GPR158: variants seen among roughly 807,000 people sequenced by gnomAD.
The protein encoded by GPR158 is metabotropic glycine receptor.
Under a neutral mutation model 78.2 loss-of-function variants are expected in GPR158, and 30 were observed. The observed-to-expected ratio is 0.38, with a 90% confidence interval of 0.29 to 0.52. The LOEUF is 0.52. Ranked by LOEUF, GPR158 falls within the 20% of genes least tolerant of loss-of-function variation. The pLI is 0.83. For missense variants in GPR158, 1,463 were observed against 1,523.5 expected (o/e 0.96, Z 0.66); for synonymous variants, 581 against 591.1 (o/e 0.98, Z 0.25).
chr10:25,357,190 G>C (rs1855566293), intron 2 of GPR158, among the ~76,000 whole-genome samples: 1 of 152,098 alleles, frequency 6.6e-6, no homozygotes, highest in South Asian at 2.1e-4. Flanking sequence ...GCATTCAACA[G>C]GTGACTTGAG....
intron 2 of GPR158, among the ~76,000 whole-genome samples, chr10:25,380,481 TC>T (rs1330797680): frequency 1.8e-4 from 28 of 152,206 alleles, no homozygotes; most frequent in Non-Finnish European, 2.9e-4. Context: ...CATTCATTTT[TC>T]TTTTTTTAGT....
intron 2 of GPR158, among the ~76,000 whole-genome samples, chr10:25,287,213 C>T (rs994371178): frequency 4.6e-5 from 7 of 151,860 alleles, no homozygotes; most frequent in African/African-American, 1.5e-4. Context: ...TTCCACTGCT[C>T]TTCCCCGAGA....
intron 4 of GPR158, among the ~76,000 whole-genome samples, chr10:25,436,753 C>T (rs2130583620): frequency 6.6e-6 from 1 of 152,172 alleles, no homozygotes; most frequent in East Asian, 1.9e-4. Context: ...AGCACTTGTA[C>T]CAAAACTTCC....
chr10:25,199,930 G>A (rs1852899275), intron 1 of GPR158, among the ~76,000 whole-genome samples: 2 of 152,134 alleles, frequency 1.3e-5, no homozygotes. Flanking sequence ...GGGCACTTAG[G>A]TTGATTCTAT....
At chr10:25,358,151 C>T (rs771868841) in intron 2 of GPR158, among the ~76,000 whole-genome samples, 5 of 152,064 alleles carry the variant, frequency 3.3e-5, no homozygotes, top group African/African-American at 1.2e-4. Context: ...GCTTTATTTA[C>T]CCAATGCCTG....
chr10:25,299,923 T>C (rs912630438), intron 2 of GPR158, among the ~76,000 whole-genome samples: 1 of 151,984 alleles, frequency 6.6e-6, no homozygotes, highest in Non-Finnish European at 1.5e-5. Context: ...ACCTCCAGGG[T>C]TCAAGTGATT....
chr10:25,247,124 G>C (rs1441841301), intron 2 of GPR158, among the ~76,000 whole-genome samples: 1 of 152,072 alleles, frequency 6.6e-6, no homozygotes, highest in African/African-American at 2.4e-5. Context: ...CTGGAGCCAT[G>C]CTTCTTTTCC....
intron 3 of GPR158, among the ~76,000 whole-genome samples, chr10:25,403,560 G>A (rs1285614988): frequency 2.0e-5 from 3 of 152,014 alleles, no homozygotes; most frequent in Non-Finnish European, 4.4e-5. Context: ...TTAGATTTCA[G>A]CAAGGCAGAT....
chr10:25,521,457 A>T (rs1438859249), intron 5 of GPR158, among the ~76,000 whole-genome samples: 1 of 152,166 alleles, frequency 6.6e-6, no homozygotes, highest in Non-Finnish European at 1.5e-5. Context: ...TATTGATTTA[A>T]GTTTGACTTC....
chr10:25,303,065 A>C (rs1854622574), intron 2 of GPR158, among the ~76,000 whole-genome samples: 1 of 152,210 alleles, frequency 6.6e-6, no homozygotes, highest in Non-Finnish European at 1.5e-5. Flanking sequence ...ATTAGATATG[A>C]AGACAGTTAA....
intron 2 of GPR158, among the ~76,000 whole-genome samples, chr10:25,307,377 CTTTTT>C (rs561085223): frequency 6.6e-4 from 76 of 114,382 alleles, no homozygotes; most frequent in South Asian, 5.5e-3. Flanking sequence ...ATTTTAATTG[CTTTTT>C]TTTTTTTTTT....
intron 5 of GPR158, among the ~76,000 whole-genome samples, chr10:25,542,940 C>T (rs1434572128): frequency 6.6e-6 from 1 of 151,684 alleles, no homozygotes; most frequent in African/African-American, 2.4e-5. Context: ...CCTAAGAGTC[C>T]AGGCAATCAA....
chr10:25,578,389 A>G (rs1387716622), intron 7 of GPR158, among the ~76,000 whole-genome samples: 3 of 152,246 alleles, frequency 2.0e-5, no homozygotes, highest in African/African-American at 7.2e-5. Context: ...GACTTAGACC[A>G]GTATGAGGAA....
intron 8 of GPR158, among the ~76,000 whole-genome samples, chr10:25,590,884 T>C (rs1217349326): frequency 6.6e-6 from 1 of 152,190 alleles, no homozygotes; most frequent in Non-Finnish European, 1.5e-5. Flanking sequence ...CTAAATATCC[T>C]TTAATTCCTT....
Position 25,176,269 on chromosome 10 carries a change from T to C in GPR158, c.849T>C (p.Val283=), listed in dbSNP as rs188462125. 464 of 1,610,002 alleles carry C rather than the reference T, an allele frequency of 2.9e-4. 3 individuals carry two copies. The East Asian group carries it at 7.2e-3, about 25-fold the overall frequency. ...GGAGTTACAAGCCCGGGTGGCTGGT[T>C]ACTCTTTCCTCTGCCATCTACGGGT... is the stretch of plus-strand genomic sequence containing the variant. ...ENGSYKPGWL[V]TLSSAIYGLQ... Residue 283 remains valine (V), a synonymous_variant, in exon 1 of 11, where the codon GTT becomes GTC. Coordinates refer to ENST00000376351, the MANE Select transcript of GPR158 (RefSeq NM_020752.3). The surrounding 1 kb of genome is among the most constrained non-coding windows in gnomAD (Gnocchi z 6.3).
chr10:25,292,420 T>C (rs1854452283), intron 2 of GPR158, among the ~76,000 whole-genome samples: 1 of 152,124 alleles, frequency 6.6e-6, no homozygotes. Context: ...ATGGATACTT[T>C]TTTTTCTTTC....
At chr10:25,384,999 ATCTT>A (rs1419761337) in intron 2 of GPR158, among the ~76,000 whole-genome samples, 20 of 152,274 alleles carry the variant, frequency 1.3e-4, no homozygotes, top group African/African-American at 4.6e-4. Context: ...AAATCTAACT[ATCTT>A]AACCTATTTA....
At chr10:25,566,377 G>T (rs1836929007) in intron 6 of GPR158, among the ~76,000 whole-genome samples, 4 of 152,108 alleles carry the variant, frequency 2.6e-5, no homozygotes, top group Admixed American at 2.6e-4. Flanking sequence ...AAGTCCTGAT[G>T]CAGGAAATGA....
chr10:25,186,546 C>T (rs770403409), intron 1 of GPR158, among the ~76,000 whole-genome samples: 1 of 152,068 alleles, frequency 6.6e-6, no homozygotes, highest in Non-Finnish European at 1.5e-5. Flanking sequence ...GGGTTATCAC[C>T]ACCGACCTCA....
Sources: gnomAD v4.1 joint callset for allele counts (sites outside exome capture counted in the v4.1 genomes callset) on GRCh38, gnomAD v4.1.1 for gene constraint, Gnocchi (gnomAD v3.1) non-coding constraint, MANE v1.5 for transcripts, NCBI Gene and HGNC (gene_info 2026-07-23, HGNC 2026-07-21) for gene names.